Variants in CACNA1D observed in about 807,000 individuals in gnomAD.
CACNA1D encodes voltage-dependent L-type calcium channel subunit alpha-1D.
A neutral mutation model predicts 257.1 loss-of-function variants in CACNA1D; 55 were observed. The observed-to-expected ratio is 0.21, with a 90% CI of 0.17 to 0.27. The LOEUF (loss-of-function observed/expected upper bound fraction) is 0.27, where lower values mean the gene tolerates loss of function less well. Among genes scored for constraint, CACNA1D ranks in the 10% least tolerant of loss-of-function variants. The pLI, the probability that CACNA1D is intolerant of heterozygous loss-of-function variation, is 1.00. For missense variants in CACNA1D, 1,876 were observed against 2,784.0 expected, an observed-to-expected ratio of 0.67 and a Z score of 7.34; for synonymous variants, 980 against 1,014.9, an observed-to-expected ratio of 0.97 and a Z score of 0.65.
At chr3:53,692,513 T>C (rs2094537715) in intron 8 of CACNA1D, among the ~76,000 whole-genome samples, 1 of 152,150 alleles carries the variant, frequency 6.6e-6, no homozygotes. Context: ...AGATCTGACA[T>C]GACCAGATAG....
At chr3:53,807,109 CCCT>C (rs1270044638) in intron 45 of CACNA1D, among the ~76,000 whole-genome samples, 1 of 152,226 alleles carries the variant, frequency 6.6e-6, no homozygotes, top group African/African-American at 2.4e-5. Flanking sequence ...CAGGGGGATT[CCCT>C]CCTCCTCCAG....
At chr3:53,782,264 G>GTGTGTGTATATA (rs6147823) in intron 39 of CACNA1D, 61 of 75,448 alleles carry the variant, frequency 8.1e-4, no homozygotes, top group African/African-American at 1.8e-3. Context: ...GTGTGTGTGT[G>GTGTGTGTATATA]TATATATATA....
intron 4 of CACNA1D, among the ~76,000 whole-genome samples, chr3:53,654,398 T>C (rs1337630113): frequency 1.3e-5 from 2 of 152,204 alleles, no homozygotes; most frequent in Non-Finnish European, 2.9e-5. Context: ...ATAAAGTACA[T>C]GACAATGGTA....
intron 3 of CACNA1D, among the ~76,000 whole-genome samples, chr3:53,643,058 G>T (rs2093979293): frequency 6.6e-6 from 1 of 152,234 alleles, no homozygotes; most frequent in South Asian, 2.1e-4. Flanking sequence ...GGAATCAGGA[G>T]GGGTAAATGT....
Position 53,702,769 on chromosome 3 carries a change from C to T in CACNA1D, c.1349C>T (p.Pro450Leu), listed in dbSNP as rs556582252. 1.1e-5 allele frequency: 18 copies of T among 1,614,150 alleles called. No individual in the cohort carries two copies. Among genetic ancestry groups the T allele is most frequent in the East Asian group, 4.5e-5 (2 of 44,882 alleles). Residue 450 changes from proline (P) to leucine (L), a missense_variant, in exon 9 of 48, where the codon CCG becomes CTG. By Grantham distance (98) the Pro-to-Leu change is moderately conservative. This residue lies in a region of CACNA1D where 257 missense variants were observed against 399.7 expected (regional missense o/e 0.64). Coordinates refer to ENST00000350061, the MANE Select transcript of CACNA1D (RefSeq NM_001128840.3). The part of the protein sequence containing the change: ...DWITQAEDID[P>L]ENEEEGGEEG... ...ATCACCCAAGCTGAGGACATCGATC[C>T]GGAGAATGAGGAAGAAGGAGGAGAG...
In CACNA1D at chr3:53,667,104, G is replaced by A. The variant is rs970441478; in HGVS notation, c.1116+569G>A. 2.0e-5 allele frequency among the ~76,000 whole-genome samples: 3 copies of A among 152,140 alleles called. No homozygotes were observed. The East Asian group carries it at 5.8e-4, about 29-fold the overall frequency. Reference sequence around the variant, plus strand: ...TAAATCATCCCAGCACAAAACCTTAGCTGTCTTCCTTTCTATTTGAAGCTA... The same window carrying A: ...TAAATCATCCCAGCACAAAACCTTAACTGTCTTCCTTTCTATTTGAAGCTA... On this transcript the variant is annotated intron_variant, in intron 7 of 47. Coordinates refer to ENST00000350061, the MANE Select transcript of CACNA1D (RefSeq NM_001128840.3).
At chr3:53,562,683 G>A (rs2092762207) in intron 3 of CACNA1D, among the ~76,000 whole-genome samples, 1 of 152,076 alleles carries the variant, frequency 6.6e-6, no homozygotes, top group African/African-American at 2.4e-5. Context: ...GAACCTGTGT[G>A]AGATGATTTC....
intron 7 of CACNA1D, among the ~76,000 whole-genome samples, chr3:53,669,193 G>C (rs1299992992): frequency 1.3e-5 from 2 of 152,254 alleles, no homozygotes; most frequent in African/African-American, 4.8e-5. Context: ...CATAGAGATA[G>C]GCAGGGGCCA....
rs900977996 is a variant in CACNA1D at position 53,744,847 on chromosome 3, C to T, written c.3006+20C>T. ...CTTAAGGTTTTGATTCCTCTCCTCC[C>T]GGCTGGGCTGGCTTGGGTTGGGGTT... On this transcript the variant is annotated intron_variant, in intron 23 of 47. Coordinates refer to ENST00000350061, the MANE Select transcript of CACNA1D (RefSeq NM_001128840.3). 11 of 1,464,764 alleles carry T rather than the reference C, an allele frequency of 7.5e-6. No homozygotes were observed. Among genetic ancestry groups the T allele is most frequent in the Admixed American group, 5.0e-5 (3 of 59,842 alleles). 90.7% of individuals were successfully genotyped at this position (1,464,764 alleles called of 1,614,324 possible).
intron 30 of CACNA1D, among the ~76,000 whole-genome samples, chr3:53,763,031 A>G (rs111609357): frequency 0.01 from 1,549 of 152,282 alleles, 27 homozygotes; most frequent in African/African-American, 0.035. Flanking sequence ...CGTCCCCGCA[A>G]TGGTTCTGTG....
chr3:53,576,108 C>T (rs926085678), intron 3 of CACNA1D, among the ~76,000 whole-genome samples: 2 of 152,094 alleles, frequency 1.3e-5, no homozygotes, highest in African/African-American at 4.8e-5. Context: ...TATCGGCTGT[C>T]CTGGATGTCT....
chr3:53,501,553 G>A, intron 2 of CACNA1D, 62 bp from the exon 3 acceptor site: 1 of 859,094 alleles, frequency 1.2e-6, no homozygotes, highest in Non-Finnish European at 2.0e-6. Context: ...GTGATCGGGA[G>A]TGTGATGAGG....
intron 8 of CACNA1D, among the ~76,000 whole-genome samples, chr3:53,696,133 TA>T (rs930198753): frequency 6.6e-6 from 1 of 152,048 alleles, no homozygotes; most frequent in South Asian, 2.1e-4. Context: ...TTGGCTAACT[TA>T]AAAAAAATTA....
chr3:53,770,680 C>A (rs2095361454), intron 32 of CACNA1D, 128 bp downstream of exon 32: 3 of 840,810 alleles, frequency 3.6e-6, no homozygotes, highest in Non-Finnish European at 5.9e-6. Flanking sequence ...CAATAGAAAA[C>A]ATGGAATGCT....
chr3:53,596,439 C>T (rs1320464117), intron 3 of CACNA1D, among the ~76,000 whole-genome samples: 3 of 152,156 alleles, frequency 2.0e-5, no homozygotes, highest in South Asian at 4.1e-4. Flanking sequence ...ATGGCCCCCC[C>T]CAAAAGATTT....
At chr3:53,629,835 A>G (rs1375700367) in intron 3 of CACNA1D, among the ~76,000 whole-genome samples, 1 of 152,230 alleles carries the variant, frequency 6.6e-6, no homozygotes, top group East Asian at 1.9e-4. Context: ...CAGTGCGTTC[A>G]AAAGTCATCA....
At chr3:53,621,338 C>T (rs1055186172) in intron 3 of CACNA1D, among the ~76,000 whole-genome samples, 8 of 151,886 alleles carry the variant, frequency 5.3e-5, no homozygotes, top group South Asian at 4.2e-4. Context: ...TAAGCCTGGG[C>T]GAGCTCCACA....
intron 5 of CACNA1D, among the ~76,000 whole-genome samples, chr3:53,665,330 C>G (rs2094250971): frequency 6.6e-6 from 1 of 152,178 alleles, no homozygotes; most frequent in South Asian, 2.1e-4. Flanking sequence ...AGCACCAAAC[C>G]TTATGATTTC....
intron 3 of CACNA1D, among the ~76,000 whole-genome samples, chr3:53,527,911 C>T (rs2091822581): frequency 6.6e-6 from 1 of 152,104 alleles, no homozygotes; most frequent in Non-Finnish European, 1.5e-5. Context: ...TGAGTGTAGG[C>T]TCTCATTAGA....
Sources: allele counts gnomAD v4.1 joint callset (sites outside exome capture counted in the v4.1 genomes callset), GRCh38; gene constraint gnomAD v4.1.1; regional missense constraint gnomAD v4.1.1; transcripts MANE v1.5; gene names NCBI Gene and HGNC (gene_info 2026-07-23, HGNC 2026-07-21).